The following C12orf42 variants were observed in gnomAD, a reference collection of about 807,000 sequenced individuals.
C12orf42 encodes uncharacterized protein C12orf42.
Under a neutral mutation model 21.6 loss-of-function variants are expected in C12orf42, and 25 were observed. The observed-to-expected ratio is 1.16, with a 90% CI of 0.84 to 1.62. C12orf42 has a LOEUF of 1.62. Among genes scored for constraint, C12orf42 ranks in the 40% most tolerant of loss-of-function variants. C12orf42 has a pLI of 0.00. For synonymous variants in C12orf42, 174 were observed against 175.0 expected, an observed-to-expected ratio of 0.99 and a Z score of 0.05; for missense variants, 483 against 459.3, an observed-to-expected ratio of 1.05 and a Z score of -0.47.
intron 4 of C12orf42, among the ~76,000 whole-genome samples, chr12:103,360,942 C>G (rs1361141319): frequency 1.3e-5 from 2 of 152,052 alleles, no homozygotes; most frequent in Non-Finnish European, 2.9e-5. Context: ...GATTCCAGTA[C>G]CAGTTTATAC....
the C12orf42 span, among the ~76,000 whole-genome samples, chr12:103,102,758 G>C: frequency 9.8e-3 from 1,493 of 152,292 alleles, 28 homozygotes; most frequent in African/African-American, 0.034. Flanking sequence ...TCAGATGTCA[G>C]GTTGAGGTTT....
the C12orf42 span, among the ~76,000 whole-genome samples, chr12:103,143,063 A>G: frequency 6.6e-6 from 1 of 152,204 alleles, no homozygotes; most frequent in Non-Finnish European, 1.5e-5. Context: ...TTTACACTGG[A>G]ACGTGACAGG....
chr12:103,150,776 A>G, the C12orf42 span, among the ~76,000 whole-genome samples: 9 of 152,212 alleles, frequency 5.9e-5, no homozygotes, highest in Non-Finnish European at 1.0e-4. Flanking sequence ...AATGATCAGA[A>G]TATTGTTGGA....
At chr12:103,066,399 T>C in the C12orf42 span, among the ~76,000 whole-genome samples, 1,793 of 152,258 alleles carry the variant, frequency 0.012, 41 homozygotes, top group African/African-American at 0.041. Flanking sequence ...CACCCTGCCT[T>C]ATCTCCCCCA....
At chr12:103,201,184 T>A in the C12orf42 span, among the ~76,000 whole-genome samples, 1 of 152,242 alleles carries the variant, frequency 6.6e-6, no homozygotes, top group East Asian at 1.9e-4. Flanking sequence ...TGACCAATGC[T>A]GGCTGCCAGT....
chr12:103,332,108 A>G (rs1424150404), intron 4 of C12orf42, among the ~76,000 whole-genome samples: 4 of 152,178 alleles, frequency 2.6e-5, no homozygotes, highest in African/African-American at 9.7e-5. Context: ...GTGTAGAAAG[A>G]GAATGAAAAG....
intron 2 of C12orf42, among the ~76,000 whole-genome samples, chr12:103,466,848 A>T (rs2137789573): frequency 6.6e-6 from 1 of 152,340 alleles, no homozygotes; most frequent in Admixed American, 6.5e-5. Flanking sequence ...GGAGTTGTTC[A>T]GTCTTGCCCT....
chr12:103,238,878 G>A (rs145925550), intron 10 of C12orf42, among the ~76,000 whole-genome samples: 125 of 152,272 alleles, frequency 8.2e-4, no homozygotes, highest in African/African-American at 2.6e-3. Context: ...CTATAAGCTC[G>A]ATGGAGTCAT....
At chr12:103,487,098 A>T (rs1371409378) in intron 1 of C12orf42, among the ~76,000 whole-genome samples, 1 of 152,198 alleles carries the variant, frequency 6.6e-6, no homozygotes, top group Non-Finnish European at 1.5e-5. Context: ...ATTTAGTGCT[A>T]TAAATTTCCC....
the C12orf42 span, among the ~76,000 whole-genome samples, chr12:103,562,565 G>A: frequency 0.012 from 1,879 of 152,254 alleles, 68 homozygotes; most frequent in African/African-American, 0.043. Context: ...CCTCAGCATG[G>A]CTTACTGCCT....
the C12orf42 span, among the ~76,000 whole-genome samples, chr12:103,130,155 C>T: frequency 9.3e-4 from 141 of 152,020 alleles, 1 homozygote; most frequent in African/African-American, 3.2e-3. Flanking sequence ...CTGTACCAAG[C>T]CCTTTAAATA....
the C12orf42 span, among the ~76,000 whole-genome samples, chr12:103,156,632 C>G: frequency 6.6e-6 from 1 of 152,066 alleles, no homozygotes; most frequent in Non-Finnish European, 1.5e-5. Flanking sequence ...CCTCTCATCC[C>G]CGACCCCACA....
At chr12:103,554,232 T>C in the C12orf42 span, among the ~76,000 whole-genome samples, 1 of 152,122 alleles carries the variant, frequency 6.6e-6, no homozygotes, top group Non-Finnish European at 1.5e-5. Flanking sequence ...ATGCTTTTCC[T>C]ACCCCAGATA....
chr12:103,220,783 G>C, the C12orf42 span, among the ~76,000 whole-genome samples: 2 of 152,192 alleles, frequency 1.3e-5, 1 homozygote, highest in South Asian at 4.1e-4. Context: ...GGCTGAGGGA[G>C]GAGGAGGAAT....
chr12:103,212,041 TATA>T, the C12orf42 span, among the ~76,000 whole-genome samples: 1 of 152,330 alleles, frequency 6.6e-6, no homozygotes, highest in East Asian at 1.9e-4. Context: ...TTGTAGCTCT[TATA>T]ATATTTGATT....
intron 2 of C12orf42, among the ~76,000 whole-genome samples, chr12:103,410,533 A>T (rs1448302642): frequency 2.0e-5 from 3 of 152,180 alleles, no homozygotes; most frequent in Non-Finnish European, 2.9e-5. Context: ...AGAGGCCTTG[A>T]CTGACTGGCA....
At chr12:103,052,729 C>T in the C12orf42 span, among the ~76,000 whole-genome samples, 1 of 151,836 alleles carries the variant, frequency 6.6e-6, no homozygotes, top group Non-Finnish European at 1.5e-5. Flanking sequence ...TGTTTGTGTA[C>T]CCCAAGCTCA....
the C12orf42 span, among the ~76,000 whole-genome samples, chr12:103,512,567 C>T: frequency 1.3e-5 from 2 of 152,170 alleles, no homozygotes; most frequent in African/African-American, 2.4e-5. Flanking sequence ...TAAGATATCA[C>T]ATATACCTCA....
chr12:103,492,984 A>G (rs1453886649), intron 1 of C12orf42, among the ~76,000 whole-genome samples: 1 of 152,158 alleles, frequency 6.6e-6, no homozygotes, highest in Non-Finnish European at 1.5e-5. Flanking sequence ...TCCTAAATCC[A>G]TCTTCATTTC....
Sources: allele counts gnomAD v4.1 joint callset (sites outside exome capture counted in the v4.1 genomes callset), GRCh38; gene constraint gnomAD v4.1.1; transcripts MANE v1.5; gene names NCBI Gene and HGNC (gene_info 2026-07-23, HGNC 2026-07-21).